MCC: variants seen among roughly 807,000 people sequenced by gnomAD.
The protein encoded by MCC is MCC regulator of Wnt signaling pathway, also known as colorectal mutant cancer protein.
A neutral mutation model predicts 116.2 loss-of-function variants in MCC; 90 were observed. The ratio of observed to expected loss-of-function variants is 0.77; its 90% CI spans 0.65 to 0.92. MCC has a LOEUF of 0.92. MCC is among the 40% of genes least tolerant of loss of function. MCC has a pLI of 0.00. For synonymous variants in MCC, 578 were observed against 510.5 expected, an observed-to-expected ratio of 1.13 and a Z score of -1.78; for missense variants, 1,516 against 1,312.2, an observed-to-expected ratio of 1.16 and a Z score of -2.40.
At chr5:113,167,877 AC>A (rs1760862174) in intron 3 of MCC, among the ~76,000 whole-genome samples, 1 of 152,056 alleles carries the variant, frequency 6.6e-6, no homozygotes, top group Non-Finnish European at 1.5e-5. Context: ...CAATCCTCCT[AC>A]CACAGCCTCT....
At position 113,049,228 on chromosome 5, in the gene MCC, C is replaced by G. The variant is rs142391974; in HGVS notation, c.2520G>C (p.Leu840=). The change falls in exon 16 of 19, where the codon CTG becomes CTC. Residue 840 remains leucine, a synonymous_variant. Coordinates refer to ENST00000408903, the MANE Select transcript of MCC (RefSeq NM_001085377.2). ...CCTGCTCCTGGGCCTCCCGCGTGCT[C>G]AGCTTCAGCTCCAGGGCCTTCTTCT... ...EKEKKALELK[L]STREAQEQAY... 2.0e-5 allele frequency: 32 copies of G among 1,613,734 alleles called. No homozygotes were observed. The highest frequency in any genetic ancestry group is 2.5e-5 in the Non-Finnish European group (29 of 1,179,926).
chr5:113,427,061 G>T (rs955571501), intron 1 of MCC, among the ~76,000 whole-genome samples: 2 of 152,024 alleles, frequency 1.3e-5, no homozygotes, highest in East Asian at 3.9e-4. Context: ...TCCCTATGTT[G>T]CAGGTGGGGA....
chr5:113,093,328 AG>A (rs2150249298), intron 8 of MCC, among the ~76,000 whole-genome samples: 1 of 152,308 alleles, frequency 6.6e-6, no homozygotes, highest in East Asian at 1.9e-4. Context: ...CCAGCTACTC[AG>A]GCAGCTTGCT....
At chr5:113,030,981 A>G (rs4705752) in intron 17 of MCC, among the ~76,000 whole-genome samples, 74,573 of 151,942 alleles carry the variant, frequency 0.49, 18,660 homozygotes, top group East Asian at 0.63. Flanking sequence ...TGGGAATGTG[A>G]CGTCGGGGTA....
chr5:113,069,099 T>G (rs1353429605), intron 12 of MCC, among the ~76,000 whole-genome samples: 3 of 152,372 alleles, frequency 2.0e-5, no homozygotes, highest in African/African-American at 7.2e-5. Flanking sequence ...ATTCCTCCAT[T>G]GCAGTAGCCA....
At chr5:113,105,954 C>G (rs1009825957) in intron 6 of MCC, among the ~76,000 whole-genome samples, 3 of 152,186 alleles carry the variant, frequency 2.0e-5, no homozygotes, top group Non-Finnish European at 2.9e-5. Flanking sequence ...CTTTTATAAA[C>G]TACGGATGCC....
rs34159294 is a variant in MCC at position 113,275,970 on chromosome 5, GT to G, written c.627+64548del. Among the ~76,000 whole-genome samples the G allele has an allele frequency of 8.3e-3, 1,082 of 130,500 alleles. 6 individuals carry two copies. Among genetic ancestry groups the G allele is most frequent in the African/African-American group, 0.023 (874 of 38,370 alleles). The allele number at this position is 130,500 out of a possible 152,430, so 85.6% of individuals were successfully genotyped here. A position where few individuals can be genotyped will look rare whatever the true frequency, so the allele number is the denominator to read the frequency against. On this transcript the variant is annotated intron_variant, in intron 3 of 18. Coordinates refer to ENST00000408903, the MANE Select transcript of MCC (RefSeq NM_001085377.2). ...TTCTAAAATTGATTTCACTTGTTTT[GT>G]TTTTTTTTTTTTTTTTTTAAGCAGG...
chr5:113,109,057 C>T (rs62374711), intron 6 of MCC, among the ~76,000 whole-genome samples: 8,022 of 152,262 alleles, frequency 0.053, 630 homozygotes, highest in African/African-American at 0.17. Flanking sequence ...CACCACTCAC[C>T]GCCAGCATCC....
At chr5:113,311,781 G>A (rs1409768664) in intron 3 of MCC, among the ~76,000 whole-genome samples, 1 of 151,994 alleles carries the variant, frequency 6.6e-6, no homozygotes, top group Non-Finnish European at 1.5e-5. Flanking sequence ...AGACCAGCTT[G>A]GGCAACATGG....
At chr5:113,154,321 G>A (rs1760049316) in intron 3 of MCC, among the ~76,000 whole-genome samples, 1 of 152,240 alleles carries the variant, frequency 6.6e-6, no homozygotes, top group African/African-American at 2.4e-5. Flanking sequence ...AATAAAATAT[G>A]TCTCTTACTG....
chr5:113,273,066 GGAGA>G (rs1356346613), intron 3 of MCC, among the ~76,000 whole-genome samples: 2 of 152,050 alleles, frequency 1.3e-5, no homozygotes, highest in Non-Finnish European at 2.9e-5. Flanking sequence ...AATGAACTAA[GGAGA>G]GAGAACTATT....
intron 3 of MCC, among the ~76,000 whole-genome samples, chr5:113,250,910 A>G (rs1359872283): frequency 1.3e-5 from 2 of 152,224 alleles, no homozygotes; most frequent in African/African-American, 4.8e-5. Context: ...TGCAACAGGT[A>G]AATTTAGGGT....
intron 16 of MCC, chr5:113,048,680 T>C (rs1479432846): frequency 6.5e-6 from 2 of 309,390 alleles, no homozygotes; most frequent in Non-Finnish European, 1.2e-5. Context: ...AAGGGTTCAG[T>C]ATTACCTGTG....
At chr5:113,165,281 A>G (rs892107652) in intron 3 of MCC, among the ~76,000 whole-genome samples, 1 of 152,224 alleles carries the variant, frequency 6.6e-6, no homozygotes, top group Non-Finnish European at 1.5e-5. Context: ...CTTTGTCTCT[A>G]GAAACCACAA....
intron 3 of MCC, among the ~76,000 whole-genome samples, chr5:113,182,012 T>C (rs1297587174): frequency 1.3e-5 from 2 of 152,184 alleles, no homozygotes; most frequent in South Asian, 2.1e-4. Context: ...TGTGCTAACA[T>C]GGAGGAGAGG....
intron 4 of MCC, among the ~76,000 whole-genome samples, chr5:113,149,913 A>G (rs1759746566): frequency 6.6e-6 from 1 of 152,170 alleles, no homozygotes; most frequent in Non-Finnish European, 1.5e-5. Flanking sequence ...CTAAAAAACC[A>G]AAAGGAATTC....
intron 2 of MCC, among the ~76,000 whole-genome samples, chr5:113,381,835 G>C (rs1228494970): frequency 6.6e-6 from 1 of 152,086 alleles, no homozygotes; most frequent in African/African-American, 2.4e-5. Context: ...ATCATCTAAG[G>C]AGAGAATGTA....
intron 3 of MCC, among the ~76,000 whole-genome samples, chr5:113,229,473 A>G (rs890936810): frequency 9.2e-5 from 14 of 152,206 alleles, no homozygotes; most frequent in Admixed American, 7.9e-4. Flanking sequence ...AGGTTAGCTT[A>G]AAAAGAAAAG....
intron 3 of MCC, chr5:113,204,566 G>C (rs948214220): frequency 6.6e-6 from 1 of 152,148 alleles, no homozygotes; most frequent in Admixed American, 6.5e-5. Context: ...AACGCAGTTA[G>C]GCAGATCTGA....
Sources: allele counts gnomAD v4.1 joint callset (sites outside exome capture counted in the v4.1 genomes callset), GRCh38; gene constraint gnomAD v4.1.1; transcripts MANE v1.5; gene names NCBI Gene and HGNC (gene_info 2026-07-23, HGNC 2026-07-21).